Variants in DACH2 observed in about 807,000 individuals in gnomAD.
DACH2 encodes the protein dachshund homolog 2.
In DACH2, 17 loss-of-function variants were observed where a neutral mutation model predicts 35.8. That is an observed-to-expected ratio of 0.48 (90% confidence interval 0.33 to 0.71). DACH2 has a LOEUF of 0.71. Ranked by LOEUF, DACH2 falls within the 30% of genes least tolerant of loss-of-function variation. The probability of loss-of-function intolerance (pLI) is 0.02; values close to 1 mark genes in which losing one functional copy is unlikely to be tolerated. For synonymous variants in DACH2, 195 were observed against 177.3 expected (o/e 1.10, Z -0.79); for missense variants, 469 against 472.7 (o/e 0.99, Z 0.07).
At chrX:86,162,425 C>T (rs1175208115) in intron 1 of DACH2, among the ~76,000 whole-genome samples, 1 of 110,789 alleles carries the variant, frequency 9.0e-6, no homozygotes, top group African/African-American at 3.3e-5. Context: ...AGAGAATAGA[C>T]CAGGAACTAA....
intron 1 of DACH2, among the ~76,000 whole-genome samples, chrX:86,344,390 T>C (rs1260460007): frequency 1.9e-5 from 2 of 107,676 alleles, no homozygotes; most frequent in Admixed American, 1.0e-4. Context: ...ATTGATATTG[T>C]TTTCAGTCCT....
chrX:86,191,047 G>C (rs2031819678), intron 1 of DACH2, among the ~76,000 whole-genome samples: 1 of 112,316 alleles, frequency 8.9e-6, no homozygotes, highest in African/African-American at 3.2e-5. Context: ...AATTAGTTCA[G>C]CCATTGTGGA....
At chrX:86,515,287 A>G (rs2038451427) in intron 3 of DACH2, among the ~76,000 whole-genome samples, 1 of 110,944 alleles carries the variant, frequency 9.0e-6, no homozygotes, top group Admixed American at 9.7e-5. Flanking sequence ...AGGTGCTATA[A>G]TATCATGTAA....
At position 86,478,710 on chromosome X, in the gene DACH2, C is replaced by A. The variant is rs978531045; in HGVS notation, c.528-35569C>A. On this transcript the variant is annotated intron_variant, in intron 2 of 11. Coordinates refer to ENST00000373125, the MANE Select transcript of DACH2 (RefSeq NM_053281.3). ...GTCTTGCTTCTTTGATGCCCTGCTG[C>A]TCAAATTCCTAGGGGGAGCAGACAG... Among the ~76,000 whole-genome samples, 17 of 109,121 alleles carry A rather than the reference C, an allele frequency of 1.6e-4. No homozygotes were observed. In the Admixed American group the frequency reaches 1.7e-3, roughly 11 times the overall value. 94.8% of individuals were successfully genotyped at this position (109,121 alleles called of 115,157 possible).
chrX:86,629,708 C>A (rs1200702008), intron 3 of DACH2, among the ~76,000 whole-genome samples: 2 of 104,748 alleles, frequency 1.9e-5, no homozygotes, highest in Admixed American at 1.0e-4. Flanking sequence ...TATGGTGAAA[C>A]CCTATCTCTG....
At chrX:86,215,602 T>G (rs1207288374) in intron 1 of DACH2, among the ~76,000 whole-genome samples, 1 of 111,754 alleles carries the variant, frequency 8.9e-6, no homozygotes, top group African/African-American at 3.3e-5. Flanking sequence ...CCTAGTTTCC[T>G]TTGATTGAGG....
rs375242142 is a variant in DACH2, at chrX:86,396,782, G to T, written c.527+19920G>T. Among the ~76,000 whole-genome samples, 18 of 111,125 alleles carry T rather than the reference G, an allele frequency of 1.6e-4. No individual in the cohort carries two copies. The East Asian group carries it at 4.2e-3, about 26-fold the overall frequency. On this transcript the variant is annotated intron_variant, in intron 2 of 11. Coordinates refer to ENST00000373125, the MANE Select transcript of DACH2 (RefSeq NM_053281.3). ...TTGGTACCAGTACCATACTGTTTTG[G>T]TTACTGTAGCCTTGTAGTATAGTTT...
intron 3 of DACH2, among the ~76,000 whole-genome samples, chrX:86,605,513 T>G (rs773914237): frequency 9.0e-6 from 1 of 111,612 alleles, no homozygotes; most frequent in Non-Finnish European, 1.9e-5. Flanking sequence ...TCTTTGTTCT[T>G]TTATACGTAA....
chrX:86,255,491 C>T (rs1396869494), intron 1 of DACH2, among the ~76,000 whole-genome samples: 1 of 111,432 alleles, frequency 9.0e-6, no homozygotes, highest in Non-Finnish European at 1.9e-5. Context: ...CCTGTACAAC[C>T]CAGCTTTTGA....
At chrX:86,274,656 G>A (rs753923981) in intron 1 of DACH2, among the ~76,000 whole-genome samples, 3 of 107,818 alleles carry the variant, frequency 2.8e-5, no homozygotes, top group African/African-American at 6.8e-5. Context: ...CACCACGCCC[G>A]GTTAATTTTG....
intron 1 of DACH2, among the ~76,000 whole-genome samples, chrX:86,330,809 G>A (rs1441066254): frequency 9.0e-6 from 1 of 111,399 alleles, no homozygotes; most frequent in African/African-American, 3.3e-5. Flanking sequence ...ATATATAGGA[G>A]CTTAAGAAAT....
intron 3 of DACH2, among the ~76,000 whole-genome samples, chrX:86,521,018 G>A (rs779363023): frequency 1.1e-4 from 12 of 111,535 alleles, no homozygotes; most frequent in Non-Finnish European, 2.3e-4. Context: ...GTTTAAGTGT[G>A]TTTTTATATT....
chrX:86,421,882 A>G (rs372811758), intron 2 of DACH2, among the ~76,000 whole-genome samples: 21 of 111,357 alleles, frequency 1.9e-4, no homozygotes, highest in Admixed American at 1.9e-4. Flanking sequence ...CATACAGGAT[A>G]ACATTTATAA....
At chrX:86,441,990 G>A (rs184057396) in intron 2 of DACH2, among the ~76,000 whole-genome samples, 60 of 108,911 alleles carry the variant, frequency 5.5e-4, no homozygotes, top group African/African-American at 1.9e-3. Flanking sequence ...TCAGCCTCTT[G>A]AGTAATTGGT....
chrX:86,420,003 C>T (rs1390280136), intron 2 of DACH2, among the ~76,000 whole-genome samples: 2 of 111,767 alleles, frequency 1.8e-5, no homozygotes, highest in African/African-American at 6.5e-5. Context: ...CTAGTATGCA[C>T]GTTGAAGCGT....
At chrX:86,358,685 A>C (rs917875153) in intron 1 of DACH2, among the ~76,000 whole-genome samples, 5 of 107,636 alleles carry the variant, frequency 4.6e-5, no homozygotes, top group African/African-American at 1.7e-4. Flanking sequence ...GATAGAAGCT[A>C]TTTCTTTCTC....
intron 1 of DACH2, among the ~76,000 whole-genome samples, chrX:86,331,558 G>A (rs1255915103): frequency 1.8e-5 from 2 of 111,549 alleles, no homozygotes; most frequent in Non-Finnish European, 3.8e-5. Flanking sequence ...GGCTGACATT[G>A]CTATTAGATA....
chrX:86,322,623 C>T (rs771587981), intron 1 of DACH2, among the ~76,000 whole-genome samples: 17 of 111,960 alleles, frequency 1.5e-4, no homozygotes, highest in South Asian at 7.5e-4. Flanking sequence ...TTGACCTCCA[C>T]GACTTGTATG....
intron 1 of DACH2, chrX:86,263,120 C>A: frequency 5.3e-6 from 2 of 377,061 alleles, no homozygotes; most frequent in Non-Finnish European, 3.4e-6. Flanking sequence ...GGAAAAGAGA[C>A]AGTAATAAAA....
Sources: gnomAD v4.1 joint callset for allele counts (sites outside exome capture counted in the v4.1 genomes callset) on GRCh38, gnomAD v4.1.1 for gene constraint, MANE v1.5 for transcripts, NCBI Gene and HGNC (gene_info 2026-07-23, HGNC 2026-07-21) for gene names.